Variants in PLXDC1 observed in about 807,000 individuals in gnomAD.
The protein encoded by PLXDC1 is plexin domain containing 1, also known as plexin domain-containing protein 1.
Under a neutral mutation model 61.3 loss-of-function variants are expected in PLXDC1, and 39 were observed. That is an observed-to-expected ratio of 0.64 (90% CI 0.49 to 0.83). The LOEUF is 0.83. Ranked by LOEUF, PLXDC1 falls within the 40% of genes least tolerant of loss-of-function variation. The pLI is 0.00. For missense variants in PLXDC1, 596 were observed against 666.5 expected, an observed-to-expected ratio of 0.89 and a Z score of 1.17; for synonymous variants, 212 against 254.5, an observed-to-expected ratio of 0.83 and a Z score of 1.59.
At position 39,067,757 on chromosome 17, in the gene PLXDC1, A is replaced by G. The variant is rs1023688556; in HGVS notation, c.*83T>C. On this transcript the variant is annotated 3_prime_UTR_variant, in exon 14 of 14. Transcript: ENST00000315392. ...ATCTCAGCCCAGGGCATGCTGGGAG[A>G]GGCCAGGAAAAGTCACTTCTCTTCT... The G allele has an allele frequency of 6.0e-6, 8 of 1,330,676 alleles. No individual in the cohort carries two copies. The highest frequency in any genetic ancestry group is 8.4e-6 in the Non-Finnish European group (8 of 953,470). The allele number at this position is 1,330,676 out of a possible 1,614,324, so 82.4% of individuals were successfully genotyped here.
At chr17:39,091,884 G>T (rs1318661789) in intron 7 of PLXDC1, among the ~76,000 whole-genome samples, 1 of 149,098 alleles carries the variant, frequency 6.7e-6, no homozygotes, top group Non-Finnish European at 1.5e-5. Flanking sequence ...GCTTGAACCC[G>T]GGAGGTGGAG....
chr17:39,073,765 A>G (rs1400594102), intron 11 of PLXDC1, among the ~76,000 whole-genome samples: 2 of 152,256 alleles, frequency 1.3e-5, no homozygotes, highest in Non-Finnish European at 2.9e-5. Flanking sequence ...TCTTGTGGCT[A>G]TCAAGGTGTT....
At chr17:39,119,886 C>T (rs1911104191) in intron 2 of PLXDC1, among the ~76,000 whole-genome samples, 1 of 152,060 alleles carries the variant, frequency 6.6e-6, no homozygotes, top group Non-Finnish European at 1.5e-5. Flanking sequence ...GTCCCCCAAC[C>T]AACTGAATGG....
chr17:39,152,697 G>A, upstream of PLXDC1: 1 of 1,233,540 alleles, frequency 8.1e-7, no homozygotes, highest in Non-Finnish European at 1.0e-6. Context: ...AATTTTCCAG[G>A]AGGAGGGATA....
intron 7 of PLXDC1, among the ~76,000 whole-genome samples, chr17:39,093,046 C>G (rs1239254092): frequency 6.6e-6 from 1 of 152,192 alleles, no homozygotes; most frequent in Non-Finnish European, 1.5e-5. Context: ...CAAAGGGAAA[C>G]ATTTACATTT....
chr17:39,151,883 C>T (rs1020341769), upstream of PLXDC1, among the ~76,000 whole-genome samples: 1 of 152,178 alleles, frequency 6.6e-6, no homozygotes, highest in Non-Finnish European at 1.5e-5. This position sits in a 1 kb window ranked among gnomAD's most constrained non-coding sequence, Gnocchi z 5.2. Context: ...TCACTGAGCT[C>T]CTGGCTCCCT....
chr17:39,139,699 G>A lies in PLXDC1; in HGVS notation c.210C>T (p.Gly70=), dbSNP rs751780476. The change falls in exon 2 of 14, where the codon GGC becomes GGT. Residue 70 remains glycine (G), a synonymous_variant. Transcript: ENST00000315392. The part of the protein sequence containing the change: ...RTQLSQDLGG[G]TLAMDTLPDN... Reference sequence around the variant, plus strand: ...CTGGCAGCGTGTCCATGGCCAGGGTGCCCCCACCCAGGTCCTGGCTCAGCT... The same window carrying A: ...CTGGCAGCGTGTCCATGGCCAGGGTACCCCCACCCAGGTCCTGGCTCAGCT... 5.6e-6 allele frequency: 9 copies of A among 1,613,824 alleles called. No homozygotes were observed. Among genetic ancestry groups the A allele is most frequent in the Admixed American group, 1.7e-5 (1 of 60,020 alleles).
At position 39,064,874 on chromosome 17, in the gene PLXDC1, GCT is replaced by G. The variant is rs1239246495; in HGVS notation, c.*2964_*2965del. The G allele has an allele frequency of 6.6e-6, 1 of 152,220 alleles. No homozygotes were observed. Among genetic ancestry groups the G allele is most frequent in the East Asian group, 1.9e-4 (1 of 5,200 alleles). 9.4% of individuals were successfully genotyped at this position (152,220 alleles called of 1,614,324 possible). On this transcript the variant is annotated 3_prime_UTR_variant, in exon 14 of 14. Coordinates refer to ENST00000315392, the MANE Select transcript of PLXDC1 (RefSeq NM_020405.5). ...AAAGGACACAGTGGGCTGTAACAGAGCTCTCTGAATGAGGGAAGCACAGCCCA... is the reference window on the plus strand; with the variant it reads ...AAAGGACACAGTGGGCTGTAACAGAGCTCTGAATGAGGGAAGCACAGCCCA...
Position 39,067,944 on chromosome 17 carries a change from A to T in PLXDC1, c.1399T>A (p.Trp467Arg), listed in dbSNP as rs750384211. 1.1e-5 allele frequency: 17 copies of T among 1,613,894 alleles called. No homozygotes were observed. The highest frequency in any genetic ancestry group is 8.5e-7 in the Non-Finnish European group (1 of 1,179,988). ...TGGCTGCGAAACTTCATGGCTGGCC[A>T]GTGGTGAGGTCTACGCTGCAGAAGG... ...LFFIERRPHH[W>R]PAMKFRSHPD... Residue 467 changes from tryptophan to arginine, a missense_variant, in exon 14 of 14, where the codon TGG becomes AGG. Transcript: ENST00000315392.
At chr17:39,103,530 CTAA>C (rs941926712) in intron 7 of PLXDC1, among the ~76,000 whole-genome samples, 2 of 151,704 alleles carry the variant, frequency 1.3e-5, no homozygotes, top group African/African-American at 4.8e-5. Context: ...GACCCTGTCT[CTAA>C]TAATAATAAT....
chr17:39,063,347 T>G lies in PLXDC1; in HGVS notation c.*4493A>C. ...AGATTTATTGTATGTCCTCAGACAG[T>G]AGATAAAAATGCATGGGGTTTACTT... is the stretch of plus-strand genomic sequence containing the variant. On this transcript the variant is annotated 3_prime_UTR_variant, in exon 14 of 14. Coordinates refer to ENST00000315392, the MANE Select transcript of PLXDC1 (RefSeq NM_020405.5). The G allele has an allele frequency of 1.6e-6, 1 of 641,358 alleles. No individual in the cohort carries two copies. Among genetic ancestry groups the G allele is most frequent in the Non-Finnish European group, 2.8e-6 (1 of 358,792 alleles). 39.7% of individuals were successfully genotyped at this position (641,358 alleles called of 1,614,324 possible). A position where few individuals can be genotyped will look rare whatever the true frequency, so the allele number is the denominator to read the frequency against.
At chr17:39,076,372 A>G (rs1166377896) in intron 11 of PLXDC1, among the ~76,000 whole-genome samples, 2 of 150,720 alleles carry the variant, frequency 1.3e-5, no homozygotes, top group Non-Finnish European at 3.0e-5. Flanking sequence ...TTAGCCAGGT[A>G]TGGTGGTACA....
In PLXDC1 at chr17:39,109,494, C is replaced by T. The variant is rs1224017953; in HGVS notation, c.256-103G>A. The T allele has an allele frequency of 3.6e-6, 5 of 1,382,806 alleles. No individual in the cohort carries two copies. In the South Asian group the frequency reaches 5.1e-5, roughly 14 times the overall value. 85.7% of individuals were successfully genotyped at this position (1,382,806 alleles called of 1,614,324 possible). ...TCAGATTTCTGGGTACAGGAAGTCA[C>T]CACCCTCCCAGGGTGCTGGACCTGT... On this transcript the variant is annotated intron_variant, in intron 2 of 13. Transcript: ENST00000315392.
At chr17:39,069,830 GC>G in intron 13 of PLXDC1, 25 bp downstream of exon 13, 1 of 1,598,212 alleles carries the variant, frequency 6.3e-7, no homozygotes, top group Non-Finnish European at 8.6e-7. Context: ...GCAGACAGGA[GC>G]CCTGTGGCCA....
rs762118947 is a variant in PLXDC1 at position 39,069,986 on chromosome 17, T to A, written c.1253A>T (p.Lys418Met). 1 of 1,613,758 alleles carries A rather than the reference T, an allele frequency of 6.2e-7. No homozygotes were observed. The highest frequency in any genetic ancestry group is 1.1e-5 in the South Asian group (1 of 91,056). The change falls in exon 13 of 14, where the codon AAG becomes ATG. Residue 418 changes from lysine to methionine, a missense_variant. Coordinates refer to ENST00000315392, the MANE Select transcript of PLXDC1 (RefSeq NM_020405.5). ...GGTGCCCAGGTGCACAGGAGTGCCC[T>A]TTGTCTTGGGGGACAGGTTGTTCTG... ...GLQNNLSPKT[K>M]GTPVHLGTIV...
chr17:39,116,183 A>C (rs1261162580), intron 2 of PLXDC1, among the ~76,000 whole-genome samples: 3 of 152,208 alleles, frequency 2.0e-5, no homozygotes, highest in Non-Finnish European at 4.4e-5. Context: ...ACTCAAAGAC[A>C]GTGACCTTTC....
Position 39,067,480 on chromosome 17 carries a change from T to C in PLXDC1, c.*360A>G, listed in dbSNP as rs1908938634. ...TTCCTGTTTTTGCGTTTTATGTCAG[T>C]GCTCTAAAGTTATCCTAGCCTAGGT... On this transcript the variant is annotated 3_prime_UTR_variant, in exon 14 of 14. Coordinates refer to ENST00000315392, the MANE Select transcript of PLXDC1 (RefSeq NM_020405.5). 2 of 172,676 alleles carry C rather than the reference T, an allele frequency of 1.2e-5. No homozygotes were observed. The allele number at this position is 172,676 out of a possible 1,614,324, so 10.7% of individuals were successfully genotyped here.
chr17:39,096,909 G>C (rs923224324), intron 7 of PLXDC1: 27 of 471,158 alleles, frequency 5.7e-5, no homozygotes, highest in Non-Finnish European at 1.1e-4. Flanking sequence ...TCTGCAAACA[G>C]ATGCTGCTAA....
At chr17:39,106,088 G>A in intron 6 of PLXDC1, 135 bp from the exon 7 acceptor site, 1 of 574,458 alleles carries the variant, frequency 1.7e-6, no homozygotes, top group South Asian at 2.4e-5. Context: ...GAAGCCCAGT[G>A]GGACCCCACC....
Sources: gnomAD v4.1 joint callset for allele counts (sites outside exome capture counted in the v4.1 genomes callset) on GRCh38, gnomAD v4.1.1 for gene constraint, Gnocchi (gnomAD v3.1) non-coding constraint, MANE v1.5 for transcripts, NCBI Gene and HGNC (gene_info 2026-07-23, HGNC 2026-07-21) for gene names.